Variants in ABCA13 observed in about 807,000 individuals in gnomAD.
The protein encoded by ABCA13 is ATP-binding cassette sub-family A member 13.
Under a neutral mutation model 478.7 loss-of-function variants are expected in ABCA13, and 476 were observed. That is an observed-to-expected ratio of 0.99 (90% CI 0.92 to 1.07). The LOEUF (loss-of-function observed/expected upper bound fraction) is 1.07, where lower values mean the gene tolerates loss of function less well. Ranked by LOEUF, ABCA13 falls within the 50% of genes least tolerant of loss-of-function variation. The pLI is 0.00. For synonymous variants in ABCA13, 2,252 were observed against 2,158.9 expected (o/e 1.04, Z -1.20); for missense variants, 6,060 against 5,910.6 (o/e 1.03, Z -0.83).
chr7:48,620,674 A>G (rs959115815), intron 59 of ABCA13, among the ~76,000 whole-genome samples: 7 of 152,174 alleles, frequency 4.6e-5, no homozygotes, highest in Admixed American at 4.6e-4. Context: ...AGTTACAATA[A>G]TAGTTAGACC....
At chr7:48,313,313 C>A (rs1424463086) in intron 25 of ABCA13, 82 bp downstream of exon 25, 1 of 1,401,332 alleles carries the variant, frequency 7.1e-7, no homozygotes, top group Non-Finnish European at 9.6e-7. Flanking sequence ...TTTATCTTCC[C>A]ACATCTAAAA....
chr7:48,337,109 G>A (rs111617902), intron 28 of ABCA13, among the ~76,000 whole-genome samples: 180 of 152,268 alleles, frequency 1.2e-3, no homozygotes, highest in African/African-American at 3.7e-3. Context: ...ATAAGACGGC[G>A]TAAGTTGTTC....
intron 50 of ABCA13, 45 bp from the exon 51 acceptor site, chr7:48,511,039 C>T (rs1468072951): frequency 7.1e-7 from 1 of 1,404,710 alleles, no homozygotes; most frequent in Middle Eastern, 1.8e-4. Context: ...ATAAATATGA[C>T]CATCTGATGT....
chr7:48,535,629 T>G (rs2131087149), intron 55 of ABCA13, among the ~76,000 whole-genome samples: 1 of 151,882 alleles, frequency 6.6e-6, no homozygotes, highest in African/African-American at 2.4e-5. Flanking sequence ...GACCATCAGA[T>G]GGGGGCAGAG....
Position 48,427,818 on chromosome 7 carries a change from G to A in ABCA13, c.12512G>A (p.Gly4171Glu), listed in dbSNP as rs1393813361. 5.0e-6 allele frequency: 8 copies of A among 1,613,342 alleles called. No homozygotes were observed. The East Asian group carries it at 6.7e-5, about 13-fold the overall frequency. The change falls in exon 42 of 62, where the codon GGG (glycine) becomes GAG (glutamate). Residue 4171 changes from glycine (G) to glutamate (E), a missense_variant. Physicochemically the swap from Gly to Glu is moderately conservative, Grantham distance 98. Around this residue, in one of 3 missense-constraint regions of ABCA13, gnomAD observed 1,627 missense variants for 1,571.0 expected, o/e 1.04. Transcript: ENST00000435803. ...DSNKKSHIAL[G>E]TESELQNHRP... Reference sequence around the variant, plus strand: ...AACAAGAAATCTCACATTGCCCTGGGGACTGAGTCAGAGCTGCAGAACCAC... The same window carrying A: ...AACAAGAAATCTCACATTGCCCTGGAGACTGAGTCAGAGCTGCAGAACCAC...
At chr7:48,576,563 A>G (rs944480630) in intron 55 of ABCA13, among the ~76,000 whole-genome samples, 1 of 152,218 alleles carries the variant, frequency 6.6e-6, no homozygotes, top group Admixed American at 6.5e-5. Flanking sequence ...GGAAATGCCC[A>G]GCTCAGGCTC....
At chr7:48,420,530 G>A (rs140683515) in intron 41 of ABCA13, among the ~76,000 whole-genome samples, 1 of 152,308 alleles carries the variant, frequency 6.6e-6, no homozygotes, top group Non-Finnish European at 1.5e-5. Flanking sequence ...GAAGTTTTTA[G>A]TAATGTTTTA....
At chr7:48,175,619 C>T (rs1794738752) in intron 1 of ABCA13, among the ~76,000 whole-genome samples, 1 of 152,158 alleles carries the variant, frequency 6.6e-6, no homozygotes, top group Non-Finnish European at 1.5e-5. Flanking sequence ...TGGAGTTTCA[C>T]CATGTTGGCC....
At chr7:48,305,681 G>A (rs1800800945) in intron 23 of ABCA13, among the ~76,000 whole-genome samples, 1 of 152,114 alleles carries the variant, frequency 6.6e-6, no homozygotes, top group African/African-American at 2.4e-5. Flanking sequence ...ATGCGATTCG[G>A]GTTTCAGCAG....
chr7:48,568,930 A>G (rs1196324192), intron 55 of ABCA13, among the ~76,000 whole-genome samples: 3 of 152,088 alleles, frequency 2.0e-5, no homozygotes, highest in African/African-American at 7.2e-5. Flanking sequence ...ACGAATATTT[A>G]GACTATTAAA....
At chr7:48,200,233 G>T (rs1402987025) in intron 3 of ABCA13, among the ~76,000 whole-genome samples, 1 of 152,146 alleles carries the variant, frequency 6.6e-6, no homozygotes, top group Non-Finnish European at 1.5e-5. Context: ...TGGACACGGT[G>T]GCAGATGCCT....
intron 38 of ABCA13, among the ~76,000 whole-genome samples, chr7:48,400,576 T>TA (rs895528788): frequency 4.6e-5 from 7 of 152,238 alleles, no homozygotes; most frequent in Admixed American, 3.3e-4. Flanking sequence ...ACTTTAAAAT[T>TA]AAAAAAAATT....
Position 48,248,264 on chromosome 7 carries a change from C to T in ABCA13, c.1685C>T (p.Thr562Ile). The T allele has an allele frequency of 6.2e-7, 1 of 1,613,658 alleles. No homozygotes were observed. Among genetic ancestry groups the T allele is most frequent in the Non-Finnish European group, 8.5e-7 (1 of 1,179,698 alleles). The stretch of plus-strand genomic sequence containing the variant: ...GATCGTATTTTGCAAGAGGTCATTA[C>T]TTGGCACAAAAATATGTCAGTTTTA... ...DADRILQEVITWHKNMSVLIP... is the reference protein window; with the variant it reads ...DADRILQEVIIWHKNMSVLIP... Residue 562 changes from threonine to isoleucine, a missense_variant, in exon 14 of 62, where the codon ACT (threonine) becomes ATT (isoleucine). Physicochemically the swap from Thr to Ile is moderately conservative, Grantham distance 89. Transcript: ENST00000435803.
rs570541118 is a variant in ABCA13 at position 48,274,705 on chromosome 7, A to G, written c.5039A>G (p.Asp1680Gly). The change falls in exon 17 of 62, where the codon GAT becomes GGT. Residue 1680 changes from aspartate to glycine, a missense_variant. By Grantham distance (94) the Asp-to-Gly change is moderately conservative. This residue lies in a region of ABCA13 where 4,423 missense variants were observed against 4,309.1 expected (regional missense o/e 1.03). Transcript: ENST00000435803. The part of the protein sequence containing the change: ...LKKADIDLLV[D>G]QLEQVSVNLM... ...AAGGCAGACATAGACCTTTTAGTGG[A>G]TCAGCTTGAACAAGTTAGTGTAAAC... is the stretch of plus-strand genomic sequence containing the variant. The G allele has an allele frequency of 2.2e-5, 35 of 1,613,886 alleles. No homozygotes were observed. Among genetic ancestry groups the G allele is most frequent in the Non-Finnish European group, 2.8e-5 (33 of 1,179,874 alleles).
intron 40 of ABCA13, among the ~76,000 whole-genome samples, 160 bp from the exon 41 acceptor site, chr7:48,412,193 G>C (rs1865196): frequency 4.1e-4 from 62 of 152,042 alleles, no homozygotes; most frequent in Admixed American, 4.6e-4. Context: ...AAAAAAATAC[G>C]AGATGTCATT....
chr7:48,551,995 A>T (rs2131200642), intron 55 of ABCA13, among the ~76,000 whole-genome samples: 1 of 152,002 alleles, frequency 6.6e-6, no homozygotes, highest in African/African-American at 2.4e-5. Context: ...AAGTTAACCA[A>T]AAAAAGCAAG....
chr7:48,282,322 AGTT>A (rs1797158724), intron 19 of ABCA13, among the ~76,000 whole-genome samples: 1 of 152,206 alleles, frequency 6.6e-6, no homozygotes, highest in South Asian at 2.1e-4. Context: ...AATGGACCAC[AGTT>A]GTTTAAGTAA....
At chr7:48,602,152 A>T (rs887616324) in intron 58 of ABCA13, among the ~76,000 whole-genome samples, 1 of 151,886 alleles carries the variant, frequency 6.6e-6, no homozygotes, top group Non-Finnish European at 1.5e-5. Context: ...GATTGCAAAA[A>T]TTTTCTCCCA....
chr7:48,577,918 A>G (rs530459251), intron 55 of ABCA13, among the ~76,000 whole-genome samples: 14 of 152,306 alleles, frequency 9.2e-5, no homozygotes, highest in South Asian at 8.3e-4. Flanking sequence ...GGTTCGTTCA[A>G]TTTTTGAAAA....
Sources: allele counts gnomAD v4.1 joint callset (sites outside exome capture counted in the v4.1 genomes callset), GRCh38; gene constraint gnomAD v4.1.1; regional missense constraint gnomAD v4.1.1; transcripts MANE v1.5; gene names NCBI Gene and HGNC (gene_info 2026-07-23, HGNC 2026-07-21).